Variants in BID observed in about 807,000 individuals in gnomAD.
BID encodes BH3-interacting domain death agonist.
Under a neutral mutation model 17.4 loss-of-function variants are expected in BID, and 19 were observed. That is an observed-to-expected ratio of 1.09 (90% CI 0.76 to 1.60). BID has a LOEUF of 1.60. BID is among the 40% of genes most tolerant of loss of function. The probability of loss-of-function intolerance (pLI) is 0.00; values close to 1 mark genes in which losing one functional copy is unlikely to be tolerated. For missense variants in BID, 226 were observed against 256.0 expected, an observed-to-expected ratio of 0.88 and a Z score of 0.80; for synonymous variants, 108 against 102.8, an observed-to-expected ratio of 1.05 and a Z score of -0.31.
chr22:17,757,500 A>AGGGG lies in BID; in HGVS notation c.-58-7327_-58-7326insCCCC, dbSNP rs1307611390. On this transcript the variant is annotated intron_variant, in intron 1 of 5. Coordinates refer to ENST00000622694, the MANE Select transcript of BID (RefSeq NM_001196.4). ...GAGGCGGGCGGATCACAAGGTCAGGAGATCCAGACCATCCTGGCTAACACG... is the reference window on the plus strand; with the variant it reads ...GAGGCGGGCGGATCACAAGGTCAGGAGGGGGATCCAGACCATCCTGGCTAACACG... Among the ~76,000 whole-genome samples the AGGGG allele has an allele frequency of 5.1e-3, 773 of 150,988 alleles. 12 individuals carry two copies. Among genetic ancestry groups the AGGGG allele is most frequent in the South Asian group, 0.02 (95 of 4,772 alleles).
intron 3 of BID, among the ~76,000 whole-genome samples, chr22:17,742,153 G>C (rs562044338): frequency 2.0e-3 from 300 of 152,308 alleles, no homozygotes; most frequent in Admixed American, 3.4e-3. Flanking sequence ...CTCTTTCCAG[G>C]CTCGCCAGGG....
intron 3 of BID, chr22:17,739,830 C>T: frequency 1.7e-6 from 1 of 595,702 alleles, no homozygotes; most frequent in Non-Finnish European, 3.0e-6. Flanking sequence ...CACAACCCAA[C>T]AGGGTTGGCC....
At chr22:17,751,546 A>T (rs80094530) in intron 1 of BID, among the ~76,000 whole-genome samples, 1,782 of 152,316 alleles carry the variant, frequency 0.012, 44 homozygotes, top group African/African-American at 0.04. Context: ...AAAACCAAGC[A>T]TTGGCAATTT....
chr22:17,744,115 C>T, intron 2 of BID, 102 bp from the exon 3 acceptor site: 1 of 1,097,770 alleles, frequency 9.1e-7, no homozygotes, highest in Non-Finnish European at 1.3e-6. Flanking sequence ...CTCACAGGTC[C>T]CAGAGAGCTG....
intron 1 of BID, among the ~76,000 whole-genome samples, chr22:17,765,187 A>T (rs2061669423): frequency 7.5e-6 from 1 of 133,692 alleles, no homozygotes; most frequent in South Asian, 2.2e-4. Flanking sequence ...AGAGGACCCA[A>T]GACATCCTCC....
At position 17,760,133 on chromosome 22, in the gene BID, C is replaced by CAA. The variant is rs34899110; in HGVS notation, c.-58-9961_-58-9960dup. Among the ~76,000 whole-genome samples, 151 of 65,076 alleles carry CAA rather than the reference C, an allele frequency of 2.3e-3. 2 individuals are homozygous for CAA. Among genetic ancestry groups the CAA allele is most frequent in the Admixed American group, 2.9e-3 (15 of 5,260 alleles). 42.7% of individuals were successfully genotyped at this position (65,076 alleles called of 152,430 possible). A position where few individuals can be genotyped will look rare whatever the true frequency, so the allele number is the denominator to read the frequency against. On this transcript the variant is annotated intron_variant, in intron 1 of 5. Transcript: ENST00000622694. ...TGGGCGACAGAGTGAGACTCCATCT[C>CAA]AAAAAAAAAAAAAAAAAAAGTTTCA...
At chr22:17,754,398 C>G (rs565715196) in intron 1 of BID, among the ~76,000 whole-genome samples, 2 of 152,278 alleles carry the variant, frequency 1.3e-5, no homozygotes, top group African/African-American at 4.8e-5. Flanking sequence ...TTCGGAGACA[C>G]GACTGAGGCT....
intron 3 of BID, among the ~76,000 whole-genome samples, chr22:17,741,419 G>A (rs1217119664): frequency 6.9e-4 from 104 of 151,692 alleles, no homozygotes; most frequent in Non-Finnish European, 5.9e-5. Flanking sequence ...CTGAAAGTAC[G>A]TCTGACTTAA....
chr22:17,743,257 ACAGT>A (rs2061473204), intron 3 of BID, among the ~76,000 whole-genome samples: 1 of 152,254 alleles, frequency 6.6e-6, no homozygotes. Flanking sequence ...AATCAATGGG[ACAGT>A]CAGCCAGGCC....
chr22:17,772,880 C>T (rs1260221978), intron 1 of BID, among the ~76,000 whole-genome samples: 1 of 152,166 alleles, frequency 6.6e-6, no homozygotes, highest in Non-Finnish European at 1.5e-5. Flanking sequence ...CCCCGCTTCC[C>T]TCTCTGGCAA....
chr22:17,768,576 T>C (rs867566961), intron 1 of BID, among the ~76,000 whole-genome samples: 2 of 152,134 alleles, frequency 1.3e-5, no homozygotes, highest in African/African-American at 2.4e-5. Flanking sequence ...GTAGACTCTG[T>C]CATAAAGAAC....
chr22:17,757,579 G>A (rs1482330647), intron 1 of BID, among the ~76,000 whole-genome samples: 3 of 151,604 alleles, frequency 2.0e-5, no homozygotes, highest in Admixed American at 2.0e-4. Context: ...CGTGGTGGCG[G>A]GCGCCTGTAA....
At chr22:17,754,719 C>G (rs1167151054) in intron 1 of BID, among the ~76,000 whole-genome samples, 2 of 152,230 alleles carry the variant, frequency 1.3e-5, no homozygotes, top group Admixed American at 6.5e-5. Flanking sequence ...TCACAGGAAA[C>G]AGCTGACTCA....
In BID at chr22:17,773,598, C is replaced by A; in HGVS notation, c.-59+783G>T. On this transcript the variant is annotated intron_variant, in intron 1 of 5. Transcript: ENST00000622694. This position sits in a 1 kb window ranked among gnomAD's most constrained non-coding sequence, Gnocchi z 4.4. ...GTCCAGCCGCAGAAGGCCCAGCCCC[C>A]AGCCCACTTACAGAATCCGCACTGT... 6.2e-7 allele frequency: 1 copy of A among 1,612,520 alleles called. No homozygotes were observed. The highest frequency in any genetic ancestry group is 8.5e-7 in the Non-Finnish European group (1 of 1,179,910).
chr22:17,741,772 A>G (rs1225562179), intron 3 of BID, among the ~76,000 whole-genome samples: 1 of 152,142 alleles, frequency 6.6e-6, no homozygotes, highest in African/African-American at 2.4e-5. Flanking sequence ...CACTGCACCC[A>G]GCCTCACTGT....
At chr22:17,763,300 G>A (rs1238420929) in intron 1 of BID, among the ~76,000 whole-genome samples, 1 of 150,648 alleles carries the variant, frequency 6.6e-6, no homozygotes, top group Non-Finnish European at 1.5e-5. Flanking sequence ...CTGGAGTGCA[G>A]TGGCACAATC....
At chr22:17,741,949 A>G (rs1281132792) in intron 3 of BID, among the ~76,000 whole-genome samples, 1 of 152,150 alleles carries the variant, frequency 6.6e-6, no homozygotes, top group Non-Finnish European at 1.5e-5. Context: ...CCAGCACCTC[A>G]TCACTCCCCC....
Position 17,773,659 on chromosome 22 carries a change from GAGCCATCATGACCCC to G in BID, c.-59+707_-59+721del. The G allele has an allele frequency of 6.2e-7, 1 of 1,611,458 alleles. No homozygotes were observed. Among genetic ancestry groups the G allele is most frequent in the Non-Finnish European group, 8.5e-7 (1 of 1,179,944 alleles). ...CCGGCCCGGCCCCTCGCTGCCCACC[GAGCCATCATGACCCC>G]AGCACCGCTGCACATTCGTATTTGT... On this transcript the variant is annotated intron_variant, in intron 1 of 5. Transcript: ENST00000622694. This position sits in a 1 kb window ranked among gnomAD's most constrained non-coding sequence, Gnocchi z 4.4.
At chr22:17,742,427 G>T (rs2061465906) in intron 3 of BID, among the ~76,000 whole-genome samples, 1 of 152,194 alleles carries the variant, frequency 6.6e-6, no homozygotes, top group South Asian at 2.1e-4. Context: ...CGAGCCAGAA[G>T]ATATGCTGGC....
Sources: allele counts gnomAD v4.1 joint callset (sites outside exome capture counted in the v4.1 genomes callset), GRCh38; gene constraint gnomAD v4.1.1; non-coding constraint Gnocchi (gnomAD v3.1); transcripts MANE v1.5; gene names NCBI Gene and HGNC (gene_info 2026-07-23, HGNC 2026-07-21).